Variants in SPATA31C1 observed in about 807,000 individuals in gnomAD.
SPATA31C1 encodes spermatogenesis-associated protein 31C1.
exon 5 of SPATA31C1, chr9:87,922,116 C>T (rs747527178): frequency 1.2e-6 from 2 of 1,613,852 alleles, no homozygotes; most frequent in Non-Finnish European, 1.7e-6. Flanking sequence ...GCCAGAGAGG[C>T]TTCAGGCCTC....
exon 5 of SPATA31C1, chr9:87,922,996 A>C (rs1218152192): frequency 1.9e-6 from 3 of 1,563,198 alleles, no homozygotes; most frequent in Non-Finnish European, 8.7e-7. Flanking sequence ...TTTTCAAAGA[A>C]AGAAAGGAAG....
chr9:87,922,164 G>C (rs1049570758), exon 5 of SPATA31C1: 2 of 1,613,272 alleles, frequency 1.2e-6, no homozygotes, highest in East Asian at 2.2e-5. Flanking sequence ...GGCCCCGCGA[G>C]GGATCCCATC....
rs932208406 is a variant in SPATA31C1 at position 87,921,347 on chromosome 9, T to C, written n.1737T>C. On this transcript the variant is annotated non_coding_transcript_exon_variant, in exon 5 of 5. Transcript: ENST00000420021. ...CTCTGGATCTGATGCAGCTTCAGGATGAATTGCCAGGGACAAGTCAGGCCA... is the reference window on the plus strand; with the variant it reads ...CTCTGGATCTGATGCAGCTTCAGGACGAATTGCCAGGGACAAGTCAGGCCA... 4 of 1,611,926 alleles carry C rather than the reference T, an allele frequency of 2.5e-6. No individual in the cohort carries two copies. The South Asian group carries it at 4.4e-5, about 18-fold the overall frequency.
intron 1 of SPATA31C1, among the ~76,000 whole-genome samples, chr9:87,916,232 A>T (rs1429363368): frequency 2.2e-5 from 3 of 136,254 alleles, no homozygotes. Context: ...AGATATGAAG[A>T]TGGAGGAAGA....
exon 5 of SPATA31C1, chr9:87,922,676 G>A: frequency 6.2e-7 from 1 of 1,608,064 alleles, no homozygotes; most frequent in East Asian, 2.2e-5. Flanking sequence ...CTTCCCAGGA[G>A]CTATGTGACC....
chr9:87,920,364 C>A (rs370518734), exon 5 of SPATA31C1: 22 of 1,613,838 alleles, frequency 1.4e-5, no homozygotes, highest in Non-Finnish European at 1.8e-5. Context: ...CTCTCATGAG[C>A]CTATGGAAGA....
intron 1 of SPATA31C1, among the ~76,000 whole-genome samples, chr9:87,916,390 G>C (rs2150627): frequency 1.3e-3 from 187 of 145,378 alleles, no homozygotes; most frequent in African/African-American, 4.4e-3. Flanking sequence ...TTTATTAATT[G>C]GATGTTATCA....
intron 2 of SPATA31C1, chr9:87,919,003 C>T (rs62579561): frequency 0.12 from 53,222 of 460,170 alleles, 3,939 homozygotes; most frequent in Non-Finnish European, 0.16. Flanking sequence ...CTCTTGACCT[C>T]AGGTGATCCA....
exon 5 of SPATA31C1, chr9:87,922,398 G>T: frequency 6.2e-7 from 1 of 1,610,230 alleles, no homozygotes; most frequent in Non-Finnish European, 8.5e-7. Context: ...GGATGTGCGT[G>T]GTTTCAAGGC....
At chr9:87,915,475 CG>C (rs1362968688) in intron 1 of SPATA31C1, among the ~76,000 whole-genome samples, 2 of 144,678 alleles carry the variant, frequency 1.4e-5, no homozygotes, top group African/African-American at 5.1e-5. Context: ...GGCTAATTTT[CG>C]TATTTTTAGT....
At chr9:87,915,555 C>G (rs1435355668) in intron 1 of SPATA31C1, among the ~76,000 whole-genome samples, 3 of 145,386 alleles carry the variant, frequency 2.1e-5, no homozygotes, top group Non-Finnish European at 4.6e-5. Flanking sequence ...CCTGCCTCGG[C>G]CTCCCAAAGT....
exon 5 of SPATA31C1, chr9:87,921,527 C>T: frequency 6.2e-7 from 1 of 1,611,964 alleles, no homozygotes; most frequent in East Asian, 2.2e-5. Context: ...GCATGGAAAG[C>T]TTCCCAGGGA....
chr9:87,921,449 G>A, exon 5 of SPATA31C1: 2 of 1,611,816 alleles, frequency 1.2e-6, no homozygotes, highest in South Asian at 2.2e-5. Flanking sequence ...TGAAGTTCCA[G>A]CTAGAGAGGG....
chr9:87,921,540 G>C, exon 5 of SPATA31C1: 4 of 1,612,026 alleles, frequency 2.5e-6, no homozygotes, highest in Non-Finnish European at 3.4e-6. Flanking sequence ...CCCAGGGAAG[G>C]TTCTGGGGGC....
At chr9:87,921,723 T>C (rs1213943947) in exon 5 of SPATA31C1, 2 of 1,611,956 alleles carry the variant, frequency 1.2e-6, no homozygotes, top group Non-Finnish European at 8.5e-7. Context: ...GCGTCGATCC[T>C]GGCTTGCTGT....
chr9:87,916,792 A>T (rs377343600), intron 1 of SPATA31C1, among the ~76,000 whole-genome samples: 5,808 of 73,726 alleles, frequency 0.079, 31 homozygotes, highest in African/African-American at 0.1. Context: ...GGTCAGGAGA[A>T]CAAGACCATC....
Position 87,921,988 on chromosome 9 carries a change from C to T in SPATA31C1, n.2378C>T, listed in dbSNP as rs751393297. On this transcript the variant is annotated non_coding_transcript_exon_variant, in exon 5 of 5. Transcript: ENST00000420021. ...TTGTCCCTTATACAGCTTGCTGGTC[C>T]CTCCTCAGACACCTGCGAATCTGGG... is the stretch of plus-strand genomic sequence containing the variant. The T allele has an allele frequency of 1.5e-5, 24 of 1,613,334 alleles. No homozygotes were observed. The South Asian group carries it at 2.6e-4, about 18-fold the overall frequency.
chr9:87,918,959 G>C (rs1828770466), intron 2 of SPATA31C1: 1 of 379,094 alleles, frequency 2.6e-6, no homozygotes, highest in Non-Finnish European at 5.2e-6. Context: ...TTTTAGTAGA[G>C]ATGGGGTTTC....
intron 1 of SPATA31C1, among the ~76,000 whole-genome samples, chr9:87,916,845 A>G (rs1828736617): frequency 2.6e-5 from 2 of 77,196 alleles, no homozygotes; most frequent in African/African-American, 5.7e-5. Context: ...AAAATACAAA[A>G]AATTAGCCGG....
Sources: allele counts gnomAD v4.1 joint callset (sites outside exome capture counted in the v4.1 genomes callset), GRCh38; gene constraint gnomAD v4.1.1; transcripts MANE v1.5; gene names NCBI Gene and HGNC (gene_info 2026-07-23, HGNC 2026-07-21).